The following RASSF9 variants were observed in gnomAD, a reference collection of about 807,000 sequenced individuals.
RASSF9 encodes ras association domain-containing protein 9.
In RASSF9, 18 loss-of-function variants were observed where a neutral mutation model predicts 21.4. That is an observed-to-expected ratio of 0.84 (90% CI 0.58 to 1.25). The LOEUF is 1.25. RASSF9 is among the 50% of genes most tolerant of loss of function. The probability of loss-of-function intolerance (pLI) is 0.00; values close to 1 mark genes in which losing one functional copy is unlikely to be tolerated. For synonymous variants in RASSF9, 183 were observed against 179.1 expected, an observed-to-expected ratio of 1.02 and a Z score of -0.18; for missense variants, 480 against 503.2, an observed-to-expected ratio of 0.95 and a Z score of 0.44.
At chr12:85,827,028 C>T (rs868266263) in intron 1 of RASSF9, among the ~76,000 whole-genome samples, 4 of 152,054 alleles carry the variant, frequency 2.6e-5, no homozygotes, top group African/African-American at 7.2e-5. Flanking sequence ...CTAGTATAGA[C>T]GCTGTTTTGT....
intron 1 of RASSF9, among the ~76,000 whole-genome samples, chr12:85,816,858 T>C (rs1317036615): frequency 1.3e-5 from 2 of 152,148 alleles, no homozygotes; most frequent in South Asian, 2.1e-4. Context: ...CTGAGTCTTA[T>C]GGAGAATGAG....
At position 85,804,792 on chromosome 12, in the gene RASSF9, T is replaced by C; in HGVS notation, c.1218A>G (p.Thr406=). 1.9e-6 allele frequency: 3 copies of C among 1,613,736 alleles called. No individual in the cohort carries two copies. The South Asian group carries it at 3.3e-5, about 18-fold the overall frequency. Residue 406 remains threonine, a synonymous_variant, in exon 2 of 2, where the codon ACA becomes ACG. Transcript: ENST00000361228. ...TACCAGTGTCCGAGTCTGTGTCATTTGTGTAATTGCTAAATACTCTTTGAG... is the reference window on the plus strand; with the variant it reads ...TACCAGTGTCCGAGTCTGTGTCATTCGTGTAATTGCTAAATACTCTTTGAG... The part of the protein sequence containing the change: ...PFTQRVFSNY[T]NDTDSDTGIS...
At chr12:85,823,471 C>G (rs1409966622) in intron 1 of RASSF9, among the ~76,000 whole-genome samples, 4 of 152,162 alleles carry the variant, frequency 2.6e-5, no homozygotes, top group African/African-American at 9.7e-5. Context: ...CTTGCTTCTT[C>G]CACATAGTCA....
intron 1 of RASSF9, among the ~76,000 whole-genome samples, chr12:85,809,360 G>T (rs1476602867): frequency 2.6e-5 from 4 of 152,114 alleles, no homozygotes; most frequent in Non-Finnish European, 5.9e-5. Context: ...GCACTCAAAT[G>T]ATCGAGGAAG....
intron 1 of RASSF9, among the ~76,000 whole-genome samples, chr12:85,835,493 GTAA>G (rs141886286): frequency 0.016 from 2,413 of 152,186 alleles, 58 homozygotes; most frequent in African/African-American, 0.055. Context: ...AAGTAAAACA[GTAA>G]TAATAAGGAT....
At chr12:85,835,389 A>T (rs1013895288) in intron 1 of RASSF9, among the ~76,000 whole-genome samples, 3 of 152,200 alleles carry the variant, frequency 2.0e-5, no homozygotes, top group Non-Finnish European at 4.4e-5. Context: ...TAAGACAGAC[A>T]TACTGTCCCT....
At chr12:85,814,166 C>T (rs1880012429) in intron 1 of RASSF9, among the ~76,000 whole-genome samples, 1 of 152,056 alleles carries the variant, frequency 6.6e-6, no homozygotes, top group Non-Finnish European at 1.5e-5. Context: ...TCTTGGCCAG[C>T]TTCCCAAAAC....
intron 1 of RASSF9, among the ~76,000 whole-genome samples, chr12:85,816,266 AC>A (rs1880061844): frequency 6.6e-6 from 1 of 151,796 alleles, no homozygotes; most frequent in African/African-American, 2.4e-5. Context: ...ACAAAAGTTT[AC>A]CTATGTAACA....
intron 1 of RASSF9, among the ~76,000 whole-genome samples, chr12:85,821,790 G>T (rs945681094): frequency 2.0e-5 from 3 of 152,030 alleles, no homozygotes; most frequent in Non-Finnish European, 4.4e-5. Context: ...CATAGTGGCC[G>T]GGTAGCTATA....
chr12:85,832,132 T>A (rs931688716), intron 1 of RASSF9, among the ~76,000 whole-genome samples: 7 of 151,968 alleles, frequency 4.6e-5, no homozygotes, highest in African/African-American at 1.7e-4. Context: ...TAAGGGAAAA[T>A]GAGAGAAAAC....
At chr12:85,807,086 A>T (rs11833148) in intron 1 of RASSF9, among the ~76,000 whole-genome samples, 39,711 of 152,112 alleles carry the variant, frequency 0.26, 5,566 homozygotes, top group African/African-American at 0.33. Flanking sequence ...AGAAGGGCGG[A>T]CTATTTTACT....
At chr12:85,808,749 G>T (rs79928692) in intron 1 of RASSF9, among the ~76,000 whole-genome samples, 1 of 151,654 alleles carries the variant, frequency 6.6e-6, no homozygotes, top group Non-Finnish European at 1.5e-5. Flanking sequence ...TATTTGAAAA[G>T]CAATAAACAA....
At chr12:85,806,723 A>C (rs1015282418) in intron 1 of RASSF9, among the ~76,000 whole-genome samples, 4 of 151,480 alleles carry the variant, frequency 2.6e-5, no homozygotes, top group African/African-American at 9.7e-5. Flanking sequence ...TAATGCAAGA[A>C]AAATATAAAA....
chr12:85,815,653 A>AT (rs1880047520), intron 1 of RASSF9, among the ~76,000 whole-genome samples: 4 of 152,082 alleles, frequency 2.6e-5, no homozygotes, highest in African/African-American at 9.7e-5. Context: ...GTGAGATGGT[A>AT]TCTCACTGTT....
At chr12:85,814,709 A>G (rs1447388536) in intron 1 of RASSF9, among the ~76,000 whole-genome samples, 1 of 151,592 alleles carries the variant, frequency 6.6e-6, no homozygotes, top group Non-Finnish European at 1.5e-5. Context: ...TATGCTTGCT[A>G]TAATTAATTC....
chr12:85,808,274 T>G (rs565758451), intron 1 of RASSF9, among the ~76,000 whole-genome samples: 6 of 152,146 alleles, frequency 3.9e-5, no homozygotes, highest in Non-Finnish European at 8.8e-5. Context: ...TAGGTCCAAC[T>G]CCTAACAAAA....
In RASSF9 at chr12:85,805,587, C is replaced by T. The variant is rs765740074; in HGVS notation, c.423G>A (p.Trp141Ter). The change falls in exon 2 of 2, where the codon TGG becomes TGA. Residue 141 changes from tryptophan (W) to a stop codon, truncating the protein, a stop_gained. Coordinates refer to ENST00000361228, the MANE Select transcript of RASSF9 (RefSeq NM_005447.4). LOFTEE classifies it high-confidence loss of function. The part of the protein sequence containing the change: ...AKLVQNTEKL[W>*]ELSPANYMKT... ...TCATGTAGTTTGCTGGGCTGAGCTC[C>T]CACAATTTTTCTGTGTTTTGCACTA... The T allele has an allele frequency of 6.2e-6, 10 of 1,613,880 alleles. No individual in the cohort carries two copies. The Middle Eastern group carries it at 6.6e-4, about 106-fold the overall frequency.
At chr12:85,813,726 A>G (rs1330577987) in intron 1 of RASSF9, among the ~76,000 whole-genome samples, 1 of 151,828 alleles carries the variant, frequency 6.6e-6, no homozygotes, top group African/African-American at 2.4e-5. Context: ...ACTTAGCAGG[A>G]TGAATACCAA....
Position 85,804,824 on chromosome 12 carries a change from G to A in RASSF9, c.1186C>T (p.Pro396Ser). 6.2e-7 allele frequency: 1 copy of A among 1,613,186 alleles called. No homozygotes were observed. Among genetic ancestry groups the A allele is most frequent in the Non-Finnish European group, 8.5e-7 (1 of 1,179,184 alleles). Residue 396 changes from proline to serine, a missense_variant, in exon 2 of 2, where the codon CCC (proline) becomes TCC (serine). Physicochemically the swap from Pro to Ser is moderately conservative, Grantham distance 74. Coordinates refer to ENST00000361228, the MANE Select transcript of RASSF9 (RefSeq NM_005447.4). ...TTGCTAAATACTCTTTGAGTAAAGG[G>A]AGGAATCTCCCCATTGCTACTGGGA... ...EVPSSNGEIPPFTQRVFSNYT... is the reference protein window; with the variant it reads ...EVPSSNGEIPSFTQRVFSNYT...
Sources: gnomAD v4.1 joint callset for allele counts (sites outside exome capture counted in the v4.1 genomes callset) on GRCh38, gnomAD v4.1.1 for gene constraint, MANE v1.5 for transcripts, NCBI Gene and HGNC (gene_info 2026-07-23, HGNC 2026-07-21) for gene names.